Variants in FBN2 observed in about 807,000 individuals in gnomAD.
FBN2 encodes the protein fibrillin-2.
In FBN2, 105 loss-of-function variants were observed where a neutral mutation model predicts 355.6. The ratio of observed to expected loss-of-function variants is 0.30; its 90% CI spans 0.25 to 0.35. The LOEUF (loss-of-function observed/expected upper bound fraction) is 0.35. FBN2 is among the 10% of genes least tolerant of loss of function. The pLI is 1.00. For missense variants in FBN2, 3,280 were observed against 3,758.7 expected (o/e 0.87, Z 3.33); for synonymous variants, 1,350 against 1,301.2 (o/e 1.04, Z -0.81).
chr5:128,469,844 T>C (rs1021217783), intron 5 of FBN2, among the ~76,000 whole-genome samples: 2 of 152,204 alleles, frequency 1.3e-5, no homozygotes, highest in African/African-American at 4.8e-5. Flanking sequence ...ATACTGGTAA[T>C]AGAAGACAAT....
intron 7 of FBN2, among the ~76,000 whole-genome samples, chr5:128,444,789 T>C (rs1213713262): frequency 6.6e-6 from 1 of 152,234 alleles, no homozygotes; most frequent in Non-Finnish European, 1.5e-5. Context: ...CATTCCATTT[T>C]TAACTAAGAA....
At chr5:128,402,774 C>T (rs1439600964) in intron 8 of FBN2, among the ~76,000 whole-genome samples, 4 of 152,190 alleles carry the variant, frequency 2.6e-5, no homozygotes, top group Non-Finnish European at 5.9e-5. Flanking sequence ...TGGATGCCTG[C>T]ACTCACCTCT....
At chr5:128,346,855 A>G (rs2126916333) in intron 23 of FBN2, among the ~76,000 whole-genome samples, 1 of 152,312 alleles carries the variant, frequency 6.6e-6, no homozygotes, top group African/African-American at 2.4e-5. Flanking sequence ...ATTTTTAAGG[A>G]AAAAATAACT....
chr5:128,503,943 GC>G (rs1437317748), intron 5 of FBN2, among the ~76,000 whole-genome samples: 2 of 152,046 alleles, frequency 1.3e-5, no homozygotes, highest in African/African-American at 2.4e-5. Context: ...TGGTCCCCAG[GC>G]CCCCCACACT....
Position 128,305,538 on chromosome 5 carries a change from T to A in FBN2, c.5647A>T (p.Lys1883Ter). ...ACACAGGCCCCATTGGGTGAAAGTT[T>A]GAAACCCGCGGCACATTCACAGCGG... is the stretch of plus-strand genomic sequence containing the variant. ...SYRCECAAGF[K>*]LSPNGACVDR... The change falls in exon 44 of 65, where the codon AAA becomes TAA. Residue 1883 changes from lysine (K) to a stop codon, truncating the protein, a stop_gained. Coordinates refer to ENST00000262464, the MANE Select transcript of FBN2 (RefSeq NM_001999.4). LOFTEE classifies it high-confidence loss of function. The A allele has an allele frequency of 6.2e-7, 1 of 1,614,102 alleles. No individual in the cohort carries two copies. The highest frequency in any genetic ancestry group is 2.2e-5 in the East Asian group (1 of 44,886).
At chr5:128,376,389 A>G (rs549397590) in intron 14 of FBN2, among the ~76,000 whole-genome samples, 1 of 152,316 alleles carries the variant, frequency 6.6e-6, no homozygotes, top group South Asian at 2.1e-4. Flanking sequence ...GAGAATGCAT[A>G]AAAAACAAAA....
chr5:128,440,689 C>T (rs1217069277), intron 7 of FBN2, among the ~76,000 whole-genome samples: 1 of 152,192 alleles, frequency 6.6e-6, no homozygotes, highest in Non-Finnish European at 1.5e-5. Flanking sequence ...TTCAGTTCCA[C>T]TTTCTTACAC....
intron 5 of FBN2, among the ~76,000 whole-genome samples, chr5:128,475,471 A>T (rs548091763): frequency 6.6e-6 from 1 of 152,184 alleles, no homozygotes; most frequent in African/African-American, 2.4e-5. Flanking sequence ...GTGAGAATAA[A>T]CAGGTCACAA....
At chr5:128,489,540 G>T (rs939225495) in intron 5 of FBN2, among the ~76,000 whole-genome samples, 1 of 152,066 alleles carries the variant, frequency 6.6e-6, no homozygotes. Context: ...AAATGTGTTT[G>T]TAAGTATGTC....
chr5:128,329,018 T>C (rs964445138), intron 33 of FBN2, among the ~76,000 whole-genome samples, 197 bp from the exon 34 acceptor site: 33 of 152,190 alleles, frequency 2.2e-4, no homozygotes, highest in Admixed American at 2.0e-4. Context: ...CATTCAATTG[T>C]AATATAATTA....
chr5:128,347,408 C>T (rs2126917062), intron 23 of FBN2, among the ~76,000 whole-genome samples: 1 of 152,282 alleles, frequency 6.6e-6, no homozygotes, highest in South Asian at 2.1e-4. Context: ...CACATAAGGC[C>T]TATCAATGCT....
intron 48 of FBN2, among the ~76,000 whole-genome samples, chr5:128,295,910 G>A (rs1749493550): frequency 7.1e-6 from 1 of 141,472 alleles, no homozygotes; most frequent in Non-Finnish European, 1.5e-5. Context: ...TCCCTGTCTT[G>A]TGCCAGTTTT....
rs202050092 is a variant in FBN2 at position 128,344,432 on chromosome 5, C to T, written c.3296G>A (p.Arg1099His). The change falls in exon 25 of 65, where the codon CGT (arginine) becomes CAT (histidine). Residue 1099 changes from arginine (R) to histidine (H), a missense_variant. By Grantham distance (29) the Arg-to-His change is conservative (BLOSUM62 0). Around this residue, in one of 6 missense-constraint regions of FBN2, gnomAD observed 2,284 missense variants for 2,749.5 expected, o/e 0.83. Coordinates refer to ENST00000262464, the MANE Select transcript of FBN2 (RefSeq NM_001999.4). ...CRNTIGSFKC[R>H]CNSGFALDME... is the part of the protein sequence containing the mutation. Reference sequence around the variant, plus strand: ...GTCTAGAGCAAAGCCACTATTGCAACGGCATTTGAAGCTTCCGATTGTATT... The same window carrying T: ...GTCTAGAGCAAAGCCACTATTGCAATGGCATTTGAAGCTTCCGATTGTATT... The T allele has an allele frequency of 1.3e-4, 216 of 1,613,656 alleles. No individual in the cohort carries two copies. Among genetic ancestry groups the T allele is most frequent in the Non-Finnish European group, 1.7e-4 (195 of 1,179,578 alleles).
At chr5:128,359,385 A>G (rs1751582531) in intron 19 of FBN2, among the ~76,000 whole-genome samples, 2 of 152,216 alleles carry the variant, frequency 1.3e-5, no homozygotes, top group South Asian at 2.1e-4. Context: ...TACTGTTTGA[A>G]TGCAACAGAG....
intron 33 of FBN2, 22 bp downstream of exon 33, chr5:128,330,551 A>G (rs1458061346): frequency 4.3e-6 from 7 of 1,613,720 alleles, no homozygotes; most frequent in Non-Finnish European, 5.9e-6. Flanking sequence ...CCGTCAGAGC[A>G]CACCTCAGGA....
chr5:128,414,338 A>G (rs2127006782), intron 7 of FBN2, among the ~76,000 whole-genome samples: 1 of 152,056 alleles, frequency 6.6e-6, no homozygotes, highest in Non-Finnish European at 1.5e-5. Flanking sequence ...GTCTCTATAT[A>G]TTTGTTTATT....
At position 128,323,868 on chromosome 5, in the gene FBN2, C is replaced by T. The variant is rs572144368; in HGVS notation, c.4471+4828G>A. On this transcript the variant is annotated intron_variant, in intron 34 of 64. Transcript: ENST00000262464. ...GGAATAGTTTCAGAAGGAATGGTAC[C>T]AGCTCCTATTTGTACCTCTGGATGA... Among the ~76,000 whole-genome samples the T allele has an allele frequency of 2.0e-5, 3 of 152,246 alleles. No homozygotes were observed. In the South Asian group the frequency reaches 6.2e-4, roughly 32 times the overall value.
chr5:128,463,814 C>T (rs1399474725), intron 6 of FBN2, among the ~76,000 whole-genome samples: 1 of 152,106 alleles, frequency 6.6e-6, no homozygotes, highest in East Asian at 1.9e-4. Flanking sequence ...TTGGATCTAA[C>T]TTTGTGCATG....
chr5:128,367,287 A>T (rs905006602), intron 16 of FBN2, among the ~76,000 whole-genome samples: 3 of 152,094 alleles, frequency 2.0e-5, no homozygotes, highest in African/African-American at 7.2e-5. Flanking sequence ...TACCCTCATT[A>T]TCACCGGGAA....
Sources: gnomAD v4.1 joint callset for allele counts (sites outside exome capture counted in the v4.1 genomes callset) on GRCh38, gnomAD v4.1.1 for gene constraint, gnomAD v4.1.1 regional missense constraint, MANE v1.5 for transcripts, NCBI Gene and HGNC (gene_info 2026-07-23, HGNC 2026-07-21) for gene names.